The following BRAT1 variants were observed in gnomAD, a reference collection of about 807,000 sequenced individuals.
BRAT1 encodes integrator complex assembly factor BRAT1.
Under a neutral mutation model 70.6 loss-of-function variants are expected in BRAT1, and 74 were observed. The ratio of observed to expected loss-of-function variants is 1.05; its 90% CI spans 0.87 to 1.27. BRAT1 has a LOEUF of 1.27. Among genes scored for constraint, BRAT1 ranks in the 50% most tolerant of loss-of-function variants. The pLI is 0.00. For synonymous variants in BRAT1, 615 were observed against 517.1 expected (o/e 1.19, Z -2.57); for missense variants, 1,203 against 1,098.2 (o/e 1.10, Z -1.35).
rs1156890350 is a variant in BRAT1 at position 2,555,507 on chromosome 7, C to G, written c.-37G>C. 1 of 152,300 alleles carries G rather than the reference C, an allele frequency of 6.6e-6. No individual in the cohort carries two copies. Among genetic ancestry groups the G allele is most frequent in the African/African-American group, 2.4e-5 (1 of 41,454 alleles). The allele number at this position is 152,300 out of a possible 1,614,324, so 9.4% of individuals were successfully genotyped here. ...CTCACCGCTCGGTTGCGTCCTCCGC[C>G]GCAACCACCCCTCGCCCAAGGCTCC... On this transcript the variant is annotated 5_prime_UTR_variant, in exon 1 of 14. Coordinates refer to ENST00000340611, the MANE Select transcript of BRAT1 (RefSeq NM_152743.4).
At chr7:2,547,556 C>A in intron 2 of BRAT1, 78 bp from the exon 3 acceptor site, 1 of 1,497,084 alleles carries the variant, frequency 6.7e-7, no homozygotes, top group Non-Finnish European at 9.2e-7. Flanking sequence ...CTTCTCCTAG[C>A]AATTCCCAGA....
intron 6 of BRAT1, chr7:2,542,429 T>G (rs900278061): frequency 1.7e-6 from 1 of 580,556 alleles, no homozygotes; most frequent in Non-Finnish European, 3.1e-6. Context: ...CTGATGTCCT[T>G]AGGAGCAGAT....
Position 2,538,647 on chromosome 7 carries a change from C to T in BRAT1, c.1888G>A (p.Asp630Asn). ...LRDGHADAAQ[D>N]TEQFVATVLQ... ...ACAGTGGCCACGAACTGCTCCGTGT[C>T]CTGGGCCGCGTCGGCGTGGCCGTCC... Residue 630 changes from aspartate (D) to asparagine (N), a missense_variant, in exon 14 of 14, where the codon GAC becomes AAC. Transcript: ENST00000340611. The T allele has an allele frequency of 1.3e-6, 2 of 1,598,460 alleles. No individual in the cohort carries two copies. Among genetic ancestry groups the T allele is most frequent in the Non-Finnish European group, 1.7e-6 (2 of 1,179,632 alleles).
rs757972461 is a variant in BRAT1 at position 2,538,294 on chromosome 7, G to A, written c.2241C>T (p.Ser747=). 13 of 1,612,552 alleles carry A rather than the reference G, an allele frequency of 8.1e-6. No individual in the cohort carries two copies. The highest frequency in any genetic ancestry group is 4.4e-5 in the South Asian group (4 of 91,084). ...REARGSPNTA[S]AEATLPRWRA... ...GCCACCTCGGCAGGGTGGCCTCTGC[G>A]GAGGCAGTGTTGGGGCTGCCCCTGG... is the stretch of plus-strand genomic sequence containing the variant. The change falls in exon 14 of 14, where the codon TCC becomes TCT. Residue 747 remains serine, a synonymous_variant. Transcript: ENST00000340611.
rs370618913 is a variant in BRAT1 at position 2,541,381 on chromosome 7, C to T, written c.1238G>A (p.Gly413Asp). ...GSAAPASSVG[G>D]HLCGTLAGCV... ...GCCCGCCAGGGTCCCACAGAGGTGG[C>T]CCCCCACACTGGAGGCAGGGGCAGC... Residue 413 changes from glycine (G) to aspartate (D), a missense_variant, in exon 9 of 14, where the codon GGC (glycine) becomes GAC (aspartate). By Grantham distance (94) the Gly-to-Asp change is moderately conservative (BLOSUM62 -1). Transcript: ENST00000340611. 6.8e-6 allele frequency: 11 copies of T among 1,606,910 alleles called. No individual in the cohort carries two copies. In the African/African-American group the frequency reaches 1.1e-4, roughly 16 times the overall value.
Position 2,542,133 on chromosome 7 carries a change from G to A in BRAT1, c.1002C>T (p.Ala334=). ...TAAGCAGCACACCTGGGGGTCCGGG[G>A]GCCTGAACCGTGGCCTTCAGGACAC... The part of the protein sequence containing the change: ...LACVLKATVQ[A]PGPPGLLDGT... The change falls in exon 7 of 14, where the codon GCC becomes GCT. Residue 334 remains alanine, a synonymous_variant. Transcript: ENST00000340611. The A allele has an allele frequency of 1.3e-6, 2 of 1,560,740 alleles. No homozygotes were observed. The highest frequency in any genetic ancestry group is 1.7e-6 in the Non-Finnish European group (2 of 1,153,474).
At position 2,539,822 on chromosome 7, in the gene BRAT1, A is replaced by G. The variant is rs1385741716; in HGVS notation, c.1462T>C (p.Ser488Pro). Residue 488 changes from serine to proline, a missense_variant, in exon 11 of 14, where the codon TCT becomes CCT. Transcript: ENST00000340611. ...LLSSPKTPGC[S>P]DLGPLIPQFL... ...TGCGGGATGAGGGGGCCGAGATCAG[A>G]GCAGCCGGGGGTCTTGGGTGAGCTC... The G allele has an allele frequency of 8.1e-6, 13 of 1,611,686 alleles. No homozygotes were observed. Among genetic ancestry groups the G allele is most frequent in the Non-Finnish European group, 1.1e-5 (13 of 1,179,082 alleles).
rs1388240091 is a variant in BRAT1 at position 2,543,935 on chromosome 7, T to G, written c.458A>C (p.Gln153Pro). 1.0e-5 allele frequency: 16 copies of G among 1,589,618 alleles called. No individual in the cohort carries two copies. The highest frequency in any genetic ancestry group is 1.7e-5 in the Admixed American group (1 of 58,602). ...HGAVDTIFSL[Q>P]GDSSLFVASA... is the part of the protein sequence containing the mutation. ...GGCCACAAACAGGCTGGAGTCTCCC[T>G]GCAGGGAGAAGATGGTGTCGACCGC... is the stretch of plus-strand genomic sequence containing the variant. The change falls in exon 5 of 14, where the codon CAG (glutamine) becomes CCG (proline). Residue 153 changes from glutamine (Q) to proline (P), a missense_variant. Transcript: ENST00000340611. The surrounding 1 kb of genome is among the most constrained non-coding windows in gnomAD (Gnocchi z 5.5).
intron 3 of BRAT1, among the ~76,000 whole-genome samples, chr7:2,546,790 GACATTCTCATTAGTCATTC>G: frequency 6.6e-6 from 1 of 152,088 alleles, no homozygotes; most frequent in Non-Finnish European, 1.5e-5. Context: ...TTAAAAAAAA[GACATTCTCATTAGTCATTC>G]ACATTCTCAT....
At chr7:2,546,026 A>C (rs1779584081) in intron 3 of BRAT1, among the ~76,000 whole-genome samples, 1 of 152,256 alleles carries the variant, frequency 6.6e-6, no homozygotes, top group South Asian at 2.1e-4. Flanking sequence ...CCGTCGTGGT[A>C]GACGGGCAAG....
intron 2 of BRAT1, among the ~76,000 whole-genome samples, chr7:2,550,481 C>CAAAAAAAAAAAAAAAAAAAAA (rs369777124): frequency 4.5e-4 from 26 of 57,418 alleles, no homozygotes; most frequent in South Asian, 6.0e-4. Flanking sequence ...AAAAAAAAAA[C>CAAAAAAAAAAAAAAAAAAAAA]AAAAAAAAAA....
rs762884883 is a variant in BRAT1 at position 2,547,379 on chromosome 7, GAGA to G, written c.224_226del (p.Phe75del). ...TGCGAAGGTTCCTGCCAGGCGCAGTGAGAAGGAGAGGACCCCAGAACTCAGGTC... is the reference window on the plus strand; with the variant it reads ...TGCGAAGGTTCCTGCCAGGCGCAGTGAGGAGAGGACCCCAGAACTCAGGTC... On this transcript the variant is annotated inframe_deletion, in exon 3 of 14. Transcript: ENST00000340611. 15 of 1,614,028 alleles carry G rather than the reference GAGA, an allele frequency of 9.3e-6. No individual in the cohort carries two copies. Among genetic ancestry groups the G allele is most frequent in the South Asian group, 2.2e-5 (2 of 91,090 alleles).
chr7:2,544,200 GTTTTT>G (rs1172630697), intron 4 of BRAT1: 17 of 108,650 alleles, frequency 1.6e-4, no homozygotes, highest in South Asian at 8.1e-4. Flanking sequence ...CCTTCTTGTT[GTTTTT>G]TTTTTTTTTT....
At chr7:2,549,074 T>C (rs759039176) in intron 2 of BRAT1, among the ~76,000 whole-genome samples, 17 of 152,180 alleles carry the variant, frequency 1.1e-4, no homozygotes, top group Middle Eastern at 3.2e-3. Context: ...ACGACAATAA[T>C]AGAAGGTTGT....
At position 2,541,729 on chromosome 7, in the gene BRAT1, GC is replaced by G; in HGVS notation, c.1122del (p.Glu374AspfsTer22). ...LLCRTLAHLE[E>X]LQPLPQRPSP... is the part of the protein sequence containing the mutation. ...CGGGCCGCACCTACCAGCGGCTGCA[GC>G]TCCTCCAGGTGAGCCAGGGTGCGGC... On this transcript the variant is annotated frameshift_variant, in exon 8 of 14. Transcript: ENST00000340611. LOFTEE classifies it high-confidence loss of function. The G allele has an allele frequency of 6.2e-7, 1 of 1,608,724 alleles. No individual in the cohort carries two copies. The highest frequency in any genetic ancestry group is 8.5e-7 in the Non-Finnish European group (1 of 1,178,656).
intron 2 of BRAT1, among the ~76,000 whole-genome samples, chr7:2,553,840 C>T (rs1780216176): frequency 6.6e-6 from 1 of 150,518 alleles, no homozygotes; most frequent in African/African-American, 2.5e-5. Flanking sequence ...GAGATGACGT[C>T]TCGCTATGTT....
intron 13 of BRAT1, 104 bp from the exon 14 acceptor site, chr7:2,538,868 C>T (rs551312796): frequency 1.1e-5 from 17 of 1,524,042 alleles, no homozygotes; most frequent in South Asian, 1.1e-4. Context: ...GACATGCAGT[C>T]TAGGGCCACA....
chr7:2,543,818 G>A lies in BRAT1; in HGVS notation c.575C>T (p.Pro192Leu), dbSNP rs772270013. 2.9e-5 allele frequency: 46 copies of A among 1,612,708 alleles called. No homozygotes were observed. The highest frequency in any genetic ancestry group is 3.7e-5 in the Non-Finnish European group (44 of 1,179,850). ...ATCCATGATCTTCTGGGCACACGCG[G>A]GCCAGTCACCCCCCGGCAGGCAGGG... ...GQPCLPGGDW[P>L]ACAQKIMDHV... The change falls in exon 5 of 14, where the codon CCC becomes CTC. Residue 192 changes from proline to leucine, a missense_variant. Transcript: ENST00000340611. This position sits in a 1 kb window ranked among gnomAD's most constrained non-coding sequence, Gnocchi z 5.5.
At chr7:2,544,839 C>A in intron 4 of BRAT1, 70 bp downstream of exon 4, 2 of 1,524,868 alleles carry the variant, frequency 1.3e-6, no homozygotes, top group South Asian at 1.2e-5. Flanking sequence ...TCAGATTCAG[C>A]AAGGTGCAGT....
Sources: gnomAD v4.1 joint callset for allele counts (sites outside exome capture counted in the v4.1 genomes callset) on GRCh38, gnomAD v4.1.1 for gene constraint, Gnocchi (gnomAD v3.1) non-coding constraint, MANE v1.5 for transcripts, NCBI Gene and HGNC (gene_info 2026-07-23, HGNC 2026-07-21) for gene names.